Variants in NPIPB12 observed in about 807,000 individuals in gnomAD.
The protein encoded by NPIPB12 is nuclear pore complex interacting protein family member B12.
At chr16:29,492,522 G>A (rs1965100091) in intron 2 of NPIPB12, among the ~76,000 whole-genome samples, 1 of 74,780 alleles carries the variant, frequency 1.3e-5, no homozygotes, top group Non-Finnish European at 2.5e-5. Flanking sequence ...AAGGCCAGAT[G>A]CGGTAGCTCA....
upstream of NPIPB12, among the ~76,000 whole-genome samples, chr16:29,501,595 C>T (rs1204613148): frequency 2.2e-4 from 1 of 4,594 alleles, no homozygotes; most frequent in African/African-American, 9.7e-4. Flanking sequence ...TGGTGGCTCA[C>T]GCCTGTAATC....
chr16:29,484,210 A>T, downstream of NPIPB12: 1 of 470,102 alleles, frequency 2.1e-6, no homozygotes, highest in Non-Finnish European at 3.6e-6. Flanking sequence ...TCATCCGCTG[A>T]GGGTGGAAGC....
At chr16:29,506,219 C>CTA (rs1965238928), upstream of NPIPB12, among the ~76,000 whole-genome samples, 1 of 9,014 alleles carries the variant, frequency 1.1e-4, no homozygotes, top group Non-Finnish European at 1.4e-4. Flanking sequence ...TCTCCATAAA[C>CTA]TATATATAAT....
At chr16:29,505,900 TATC>T (rs1319475886), upstream of NPIPB12, 12 of 297,786 alleles carry the variant, frequency 4.0e-5, no homozygotes, top group Admixed American at 1.4e-4. Context: ...CATTTAAATG[TATC>T]ATCATTTCTG....
chr16:29,504,458 T>C (rs1217754539), intron 2 of NPIPB12, among the ~76,000 whole-genome samples: 3 of 125,934 alleles, frequency 2.4e-5, no homozygotes, highest in Non-Finnish European at 5.2e-5. Flanking sequence ...TGAGCCAAGA[T>C]TGTGCCATTG....
chr16:29,504,453 C>T, intron 2 of NPIPB12, among the ~76,000 whole-genome samples: 1 of 121,648 alleles, frequency 8.2e-6, no homozygotes, highest in Non-Finnish European at 1.8e-5. Context: ...TGCAGTGAGC[C>T]AAGATTGTGC....
At chr16:29,490,500 C>G (rs1450217906) in intron 4 of NPIPB12, among the ~76,000 whole-genome samples, 1 of 149,326 alleles carries the variant, frequency 6.7e-6, no homozygotes, top group Non-Finnish European at 1.5e-5. Flanking sequence ...ATTGGGAGGC[C>G]GAGGTGTGCG....
exon 3 of NPIPB12, chr16:29,491,843 C>G: frequency 8.8e-6 from 1 of 114,226 alleles, no homozygotes; most frequent in Non-Finnish European, 1.4e-5. Flanking sequence ...ATGTCCATTT[C>G]GAGACCAGAA....
chr16:29,495,179 G>T (rs1262569731), intron 2 of NPIPB12, among the ~76,000 whole-genome samples: 5 of 145,688 alleles, frequency 3.4e-5, no homozygotes, highest in African/African-American at 1.2e-4. Context: ...AGTTTAGAAA[G>T]AATTTCCTAT....
chr16:29,486,344 TG>T (rs1200114998), downstream of NPIPB12, among the ~76,000 whole-genome samples: 1 of 13,080 alleles, frequency 7.6e-5, no homozygotes, highest in Admixed American at 5.7e-4. Flanking sequence ...CTCAGAACTC[TG>T]CAAGGTCAGT....
chr16:29,501,160 A>G (rs1965188853), upstream of NPIPB12, among the ~76,000 whole-genome samples: 4 of 72,400 alleles, frequency 5.5e-5, 2 homozygotes, highest in African/African-American at 1.8e-4. Flanking sequence ...ATAAATAGAA[A>G]AACAACCCTA....
chr16:29,495,029 C>G (rs1446473874), intron 2 of NPIPB12, among the ~76,000 whole-genome samples: 1 of 104,948 alleles, frequency 9.5e-6, no homozygotes, highest in African/African-American at 3.1e-5. Flanking sequence ...CATTTTTCAG[C>G]TGGTTCCCAT....
intron 2 of NPIPB12, among the ~76,000 whole-genome samples, chr16:29,492,857 G>A (rs1425829681): frequency 2.2e-5 from 2 of 90,436 alleles, no homozygotes; most frequent in Admixed American, 1.1e-4. Flanking sequence ...ACTTCAACAC[G>A]GTTAGATGGT....
At chr16:29,490,535 G>C (rs1965068996) in intron 4 of NPIPB12, among the ~76,000 whole-genome samples, 1 of 148,958 alleles carries the variant, frequency 6.7e-6, no homozygotes, top group Non-Finnish European at 1.5e-5. Context: ...TTCTAGACCA[G>C]CTTGGCCAAT....
intron 4 of NPIPB12, among the ~76,000 whole-genome samples, chr16:29,490,422 G>A (rs1416101725): frequency 1.3e-5 from 2 of 148,584 alleles, no homozygotes; most frequent in Admixed American, 1.3e-4. Flanking sequence ...CCAACATGGT[G>A]AACCCGTCTC....
chr16:29,495,123 T>C (rs1465828055), intron 2 of NPIPB12, among the ~76,000 whole-genome samples: 1 of 127,228 alleles, frequency 7.9e-6, no homozygotes, highest in South Asian at 2.6e-4. Context: ...AGAGAAGAGA[T>C]TGGAAGCTTT....
intron 1 of NPIPB12, among the ~76,000 whole-genome samples, chr16:29,497,135 A>G (rs1391899548): frequency 2.1e-5 from 2 of 97,078 alleles, no homozygotes; most frequent in Admixed American, 1.1e-4. Flanking sequence ...TTTGTCATTT[A>G]AATCTCAGCA....
chr16:29,504,810 T>C (rs2142194956), intron 2 of NPIPB12, among the ~76,000 whole-genome samples: 1 of 16,878 alleles, frequency 5.9e-5, no homozygotes, highest in Non-Finnish European at 1.3e-4. Flanking sequence ...TTATTATGAG[T>C]CATGTTAAAA....
chr16:29,490,473 G>A (rs1406732632), intron 4 of NPIPB12, among the ~76,000 whole-genome samples: 4 of 149,338 alleles, frequency 2.7e-5, no homozygotes, highest in Non-Finnish European at 6.0e-5. Flanking sequence ...GGTGGCTCAC[G>A]CCTGTAATCC....
Sources: allele counts gnomAD v4.1 joint callset (sites outside exome capture counted in the v4.1 genomes callset), GRCh38; gene constraint gnomAD v4.1.1; transcripts MANE v1.5; gene names NCBI Gene and HGNC (gene_info 2026-07-23, HGNC 2026-07-21).